Variants in FAT3 observed in about 807,000 individuals in gnomAD.
The protein encoded by FAT3 is protocadherin Fat 3.
FAT3 carries 95 observed loss-of-function variants against 310.2 expected under a neutral mutation model. The observed-to-expected ratio is 0.31, with a 90% confidence interval of 0.26 to 0.36. The LOEUF is 0.36. Ranked by LOEUF, FAT3 falls within the 10% of genes least tolerant of loss-of-function variation. The pLI is 1.00. For synonymous variants in FAT3, 2,314 were observed against 2,192.9 expected (o/e 1.06, Z -1.54); for missense variants, 5,408 against 5,715.6 (o/e 0.95, Z 1.74).
intron 2 of FAT3, among the ~76,000 whole-genome samples, chr11:92,454,379 T>C (rs1175457707): frequency 6.6e-6 from 1 of 152,180 alleles, no homozygotes. Flanking sequence ...CCCACGAGTA[T>C]AGTGCAACCA....
At chr11:92,275,246 G>C (rs544432418) in intron 1 of FAT3, among the ~76,000 whole-genome samples, 1 of 151,974 alleles carries the variant, frequency 6.6e-6, no homozygotes, top group Non-Finnish European at 1.5e-5. Context: ...TCTCCAAGAC[G>C]TTTATCTCTC....
At chr11:92,302,043 ACACACACACACACT>A (rs1379979296) in intron 1 of FAT3, among the ~76,000 whole-genome samples, 1 of 151,542 alleles carries the variant, frequency 6.6e-6, no homozygotes, top group Admixed American at 6.6e-5. Flanking sequence ...GCATGCAGAT[ACACACACACACACT>A]CACACACACA....
chr11:92,291,080 T>TAC (rs141883138), intron 1 of FAT3, among the ~76,000 whole-genome samples: 6,041 of 142,842 alleles, frequency 0.042, 170 homozygotes, highest in African/African-American at 0.076. Flanking sequence ...CTTTTTATTC[T>TAC]ACACACACAC....
chr11:92,240,917 C>A (rs1251958728), intron 1 of FAT3, among the ~76,000 whole-genome samples: 1 of 151,958 alleles, frequency 6.6e-6, no homozygotes, highest in Non-Finnish European at 1.5e-5. Context: ...AATCCACATC[C>A]TTGTAGAATC....
chr11:92,272,094 T>C (rs977682369), intron 1 of FAT3, among the ~76,000 whole-genome samples: 3 of 152,104 alleles, frequency 2.0e-5, no homozygotes, highest in African/African-American at 7.2e-5. Flanking sequence ...AATCCCTAGC[T>C]TATGCATCAA....
At chr11:92,399,874 G>A (rs1369597575) in intron 2 of FAT3, among the ~76,000 whole-genome samples, 3 of 152,146 alleles carry the variant, frequency 2.0e-5, no homozygotes, top group Non-Finnish European at 4.4e-5. Context: ...AGGGATCCAG[G>A]GTATGTGATC....
intron 3 of FAT3, among the ~76,000 whole-genome samples, chr11:92,596,704 ATC>A (rs1014737532): frequency 3.3e-5 from 5 of 152,160 alleles, no homozygotes; most frequent in Admixed American, 3.3e-4. Flanking sequence ...TGACTAAATA[ATC>A]TCTGTCAGGC....
At chr11:92,470,413 A>G (rs544270588) in intron 2 of FAT3, among the ~76,000 whole-genome samples, 1 of 152,160 alleles carries the variant, frequency 6.6e-6, no homozygotes, top group Admixed American at 6.5e-5. Flanking sequence ...TATATTTTCT[A>G]TTTAGATCTG....
intron 1 of FAT3, among the ~76,000 whole-genome samples, chr11:92,267,313 A>G (rs1184009613): frequency 6.6e-6 from 1 of 152,186 alleles, no homozygotes; most frequent in East Asian, 1.9e-4. Context: ...TTCTTAAAGA[A>G]TTTCTAAGTA....
chr11:92,376,166 CTCTG>C (rs1949338402), intron 2 of FAT3, among the ~76,000 whole-genome samples: 1 of 152,144 alleles, frequency 6.6e-6, no homozygotes, highest in South Asian at 2.1e-4. Flanking sequence ...TACCCCTGTA[CTCTG>C]TCTTCCTGTG....
At chr11:92,794,245 G>A (rs140429974) in intron 9 of FAT3, among the ~76,000 whole-genome samples, 2 of 152,022 alleles carry the variant, frequency 1.3e-5, no homozygotes, top group African/African-American at 4.8e-5. Context: ...ATAATATAAG[G>A]AAACTTTTCC....
rs114650351 is a variant in FAT3, at chr11:92,383,356, T to C, written c.3292+27952T>C. Among the ~76,000 whole-genome samples, 682 of 152,318 alleles carry C rather than the reference T, an allele frequency of 4.5e-3. 10 individuals carry two copies. Among genetic ancestry groups the C allele is most frequent in the African/African-American group, 0.016 (646 of 41,572 alleles). ...TATACTCCTTTGGGTATATACCCAG[T>C]AATGGGACTGCTGGGTCAGGCACCA... On this transcript the variant is annotated intron_variant, in intron 2 of 27. Transcript: ENST00000525166.
At chr11:92,879,469 C>G (rs1949622110) in intron 22 of FAT3, among the ~76,000 whole-genome samples, 1 of 152,146 alleles carries the variant, frequency 6.6e-6, no homozygotes, top group African/African-American at 2.4e-5. Flanking sequence ...TGAAGAGTTT[C>G]TAGTTAAATT....
At chr11:92,664,275 A>T (rs1355794247) in intron 3 of FAT3, among the ~76,000 whole-genome samples, 1 of 152,178 alleles carries the variant, frequency 6.6e-6, no homozygotes, top group East Asian at 1.9e-4. Flanking sequence ...TTACTAATCT[A>T]TTGTATTGTA....
intron 1 of FAT3, among the ~76,000 whole-genome samples, chr11:92,326,707 C>T (rs548224529): frequency 3.2e-4 from 48 of 152,300 alleles, no homozygotes; most frequent in African/African-American, 7.7e-4. Context: ...TGGGACCAGG[C>T]GCAGCCCGCT....
At chr11:92,262,029 G>A (rs888654994) in intron 1 of FAT3, among the ~76,000 whole-genome samples, 6 of 151,338 alleles carry the variant, frequency 4.0e-5, no homozygotes, top group African/African-American at 1.5e-4. Context: ...ACAATAAATG[G>A]ACTCTAGCAT....
At chr11:92,814,959 G>A (rs1158390266) in intron 13 of FAT3, among the ~76,000 whole-genome samples, 1 of 152,204 alleles carries the variant, frequency 6.6e-6, no homozygotes, top group East Asian at 1.9e-4. Context: ...GAGCCAGGAA[G>A]TTGGGAAAGT....
At chr11:92,774,205 C>G (rs1052843903) in intron 7 of FAT3, 25 bp downstream of exon 7, 2 of 1,581,246 alleles carry the variant, frequency 1.3e-6, no homozygotes, top group Admixed American at 3.7e-5. Flanking sequence ...TACTGAATAG[C>G]AGGAATGCTG....
chr11:92,695,365 A>G (rs1317868799), intron 3 of FAT3, among the ~76,000 whole-genome samples: 1 of 152,104 alleles, frequency 6.6e-6, no homozygotes, highest in Admixed American at 6.5e-5. Context: ...TCCGATGGTC[A>G]GCTAAGGAAG....
Sources: gnomAD v4.1 joint callset for allele counts (sites outside exome capture counted in the v4.1 genomes callset) on GRCh38, gnomAD v4.1.1 for gene constraint, MANE v1.5 for transcripts, NCBI Gene and HGNC (gene_info 2026-07-23, HGNC 2026-07-21) for gene names.